TRIO: variants seen among roughly 807,000 people sequenced by gnomAD.
TRIO encodes the protein trio Rho guanine nucleotide exchange factor, also known as triple functional domain protein.
A neutral mutation model predicts 351.9 loss-of-function variants in TRIO; 58 were observed. That is an observed-to-expected ratio of 0.16 (90% CI 0.13 to 0.21). TRIO has a LOEUF of 0.21. Among genes scored for constraint, TRIO ranks in the 10% least tolerant of loss-of-function variants. The pLI is 1.00. For missense variants in TRIO, 3,201 were observed against 4,027.8 expected, an observed-to-expected ratio of 0.79 and a Z score of 5.56; for synonymous variants, 1,758 against 1,595.7, an observed-to-expected ratio of 1.10 and a Z score of -2.42.
chr5:14,345,070 G>C (rs932226054), intron 11 of TRIO, among the ~76,000 whole-genome samples: 1 of 152,112 alleles, frequency 6.6e-6, no homozygotes, highest in Non-Finnish European at 1.5e-5. Context: ...TTATCTGAAA[G>C]GAAAGTCCTT....
At chr5:14,485,328 C>T (rs1755839290) in intron 47 of TRIO, 82 bp downstream of exon 47, 2 of 1,413,704 alleles carry the variant, frequency 1.4e-6, no homozygotes, top group Non-Finnish European at 1.9e-6. Context: ...CCATTCATAT[C>T]CATAGTAATG....
chr5:14,461,030 G>C lies in TRIO; in HGVS notation c.5215G>C (p.Val1739Leu). The C allele has an allele frequency of 6.4e-7, 1 of 1,573,750 alleles. No individual in the cohort carries two copies. The highest frequency in any genetic ancestry group is 1.7e-4 in the Middle Eastern group (1 of 5,996). Residue 1739 changes from valine to leucine, a missense_variant, in exon 35 of 57, where the codon GTC becomes CTC. Physicochemically the swap from Val to Leu is conservative, Grantham distance 32 (BLOSUM62 1). Transcript: ENST00000344204. ...TTTCTCCCTGGCAGACTCGCTCTCCGTCTCCAGCAATGACGCCAGTCCACC... is the reference window on the plus strand; with the variant it reads ...TTTCTCCCTGGCAGACTCGCTCTCCCTCTCCAGCAATGACGCCAGTCCACC... ...GIFNHKDSLSVSSNDASPPAS... is the reference protein window; with the variant it reads ...GIFNHKDSLSLSSNDASPPAS...
At chr5:14,148,362 A>G (rs1399219350) in intron 1 of TRIO, among the ~76,000 whole-genome samples, 1 of 152,198 alleles carries the variant, frequency 6.6e-6, no homozygotes, top group East Asian at 1.9e-4. Context: ...GTCATAATCT[A>G]AGTCAGCTGT....
intron 35 of TRIO, 80 bp from the exon 36 acceptor site, chr5:14,462,675 C>A: frequency 6.4e-7 from 1 of 1,571,400 alleles, no homozygotes; most frequent in Non-Finnish European, 8.7e-7. Context: ...TCTGTCCCCA[C>A]CTTGCTTCTC....
intron 1 of TRIO, among the ~76,000 whole-genome samples, chr5:14,247,925 G>A (rs1794528350): frequency 6.6e-6 from 1 of 152,122 alleles, no homozygotes; most frequent in South Asian, 2.1e-4. Context: ...AATTAGCTGG[G>A]CACAGTGGCT....
chr5:14,327,107 A>C (rs1740455185), intron 9 of TRIO, among the ~76,000 whole-genome samples: 1 of 152,194 alleles, frequency 6.6e-6, no homozygotes, highest in Non-Finnish European at 1.5e-5. Flanking sequence ...AGCAGCTTTT[A>C]TTTCCAACTT....
intron 1 of TRIO, chr5:14,183,941 C>A: frequency 1.4e-6 from 1 of 697,788 alleles, no homozygotes; most frequent in South Asian, 1.5e-5. Flanking sequence ...ATAAATTACC[C>A]AAGAGGACAT....
At chr5:14,228,150 A>T (rs1793166425) in intron 1 of TRIO, among the ~76,000 whole-genome samples, 1 of 152,198 alleles carries the variant, frequency 6.6e-6, no homozygotes, top group Non-Finnish European at 1.5e-5. Context: ...AGGAAAAAAG[A>T]AAAACAGGTT....
intron 34 of TRIO, 23 bp from the exon 35 acceptor site, chr5:14,460,996 C>T (rs769561086): frequency 2.6e-6 from 4 of 1,534,404 alleles, no homozygotes; most frequent in South Asian, 1.3e-5. Context: ...GTCAGTGATA[C>T]TCCCTCTCTT....
chr5:14,463,822 C>T (rs567384354), intron 36 of TRIO, among the ~76,000 whole-genome samples: 8 of 152,234 alleles, frequency 5.3e-5, no homozygotes, highest in African/African-American at 1.7e-4. Context: ...CTCTATTTTA[C>T]GACATGGGAT....
rs541326832 is a variant in TRIO at position 14,213,855 on chromosome 5, A to G, written c.158-56970A>G. ...AGGGATTCATCCTTCATTCACAAAA[A>G]GACCATGGTACTGGCCCAGGGCAGG... On this transcript the variant is annotated intron_variant, in intron 1 of 56. Coordinates refer to ENST00000344204, the MANE Select transcript of TRIO (RefSeq NM_007118.4). Among the ~76,000 whole-genome samples the G allele has an allele frequency of 8.5e-5, 13 of 152,344 alleles. No individual in the cohort carries two copies. In the South Asian group the frequency reaches 2.7e-3, roughly 32 times the overall value.
intron 1 of TRIO, among the ~76,000 whole-genome samples, chr5:14,257,511 T>C (rs532342568): frequency 8.5e-5 from 13 of 152,254 alleles, no homozygotes; most frequent in South Asian, 2.1e-4. Flanking sequence ...GCTGGCCCTT[T>C]TCACAGCCAG....
At chr5:14,183,868 GGC>G in intron 1 of TRIO, 2 of 579,140 alleles carry the variant, frequency 3.5e-6, no homozygotes, top group East Asian at 3.3e-5. Flanking sequence ...GTTAACCTTT[GGC>G]AGATAGTGAC....
At chr5:14,436,664 C>T (rs978972877) in intron 34 of TRIO, among the ~76,000 whole-genome samples, 6 of 152,204 alleles carry the variant, frequency 3.9e-5, no homozygotes, top group African/African-American at 1.4e-4. Context: ...GTAAATACAG[C>T]CATTCCAAAT....
chr5:14,421,921 C>T (rs768805704), intron 34 of TRIO, among the ~76,000 whole-genome samples: 83 of 152,290 alleles, frequency 5.5e-4, no homozygotes, highest in Non-Finnish European at 1.1e-3. Flanking sequence ...GAAGCAGAGA[C>T]CCAGGCTTGC....
chr5:14,373,693 T>C (rs1745316871), intron 18 of TRIO, among the ~76,000 whole-genome samples: 1 of 152,228 alleles, frequency 6.6e-6, no homozygotes, highest in African/African-American at 2.4e-5. Context: ...AGTTCTGAAC[T>C]GAGGGCTAAG....
intron 1 of TRIO, among the ~76,000 whole-genome samples, chr5:14,192,143 A>G (rs923630283): frequency 4.6e-5 from 7 of 152,172 alleles, no homozygotes; most frequent in Admixed American, 1.3e-4. Flanking sequence ...TGAGCCATAT[A>G]TACATTATCT....
At chr5:14,456,328 A>G (rs562204683) in intron 34 of TRIO, among the ~76,000 whole-genome samples, 107 of 152,368 alleles carry the variant, frequency 7.0e-4, no homozygotes, top group Non-Finnish European at 1.3e-3. Flanking sequence ...CCCACAGTGC[A>G]GCGGTGGGCT....
chr5:14,266,295 C>T (rs1369520950), intron 1 of TRIO, among the ~76,000 whole-genome samples: 2 of 152,124 alleles, frequency 1.3e-5, no homozygotes, highest in Non-Finnish European at 2.9e-5. Flanking sequence ...CTCCTGAGTT[C>T]AGGCAATCTG....
Sources: allele counts gnomAD v4.1 joint callset (sites outside exome capture counted in the v4.1 genomes callset), GRCh38; gene constraint gnomAD v4.1.1; transcripts MANE v1.5; gene names NCBI Gene and HGNC (gene_info 2026-07-23, HGNC 2026-07-21).